The following TMED1 variants were observed in gnomAD, a reference collection of about 807,000 sequenced individuals.
TMED1 encodes the protein transmembrane emp24 domain-containing protein 1.
In TMED1, 20 loss-of-function variants were observed where a neutral mutation model predicts 21.2. That is an observed-to-expected ratio of 0.95 (90% confidence interval 0.67 to 1.37). The LOEUF is 1.37. Ranked by LOEUF, TMED1 falls within the 40% of genes most tolerant of loss-of-function variation. The pLI is 0.00. For synonymous variants in TMED1, 149 were observed against 134.7 expected, an observed-to-expected ratio of 1.11 and a Z score of -0.74; for missense variants, 316 against 309.8, an observed-to-expected ratio of 1.02 and a Z score of -0.15.
In TMED1 at chr19:10,835,356, G is replaced by C; in HGVS notation, c.184-3C>G. The C allele has an allele frequency of 6.2e-7, 1 of 1,613,336 alleles. No homozygotes were observed. The highest frequency in any genetic ancestry group is 8.5e-7 in the Non-Finnish European group (1 of 1,179,828). ...TCCAGTCCAGCACCTCCGATCACCT[G>C]GGGGGCAGGTAAGAGCGGGTGGAGG... On this transcript the variant is annotated splice_region_variant and splice_polypyrimidine_tract_variant and intron_variant, in intron 1 of 3. Transcript: ENST00000214869.
Position 10,832,449 on chromosome 19 carries a change from C to T in TMED1, c.*546G>A. ...TCAGCAGGCTCTTGTGATTTTCTGA[C>T]CATAATTTATTGACTCCAATGCCCA... On this transcript the variant is annotated 3_prime_UTR_variant, in exon 4 of 4. Coordinates refer to ENST00000214869, the MANE Select transcript of TMED1 (RefSeq NM_006858.4). 9.7e-7 allele frequency: 1 copy of T among 1,033,378 alleles called. No homozygotes were observed. The highest frequency in any genetic ancestry group is 1.3e-6 in the Non-Finnish European group (1 of 762,038). The allele number at this position is 1,033,378 out of a possible 1,614,324, so 64.0% of individuals were successfully genotyped here. A position where few individuals can be genotyped will look rare whatever the true frequency, so the allele number is the denominator to read the frequency against.
intron 1 of TMED1, 30 bp from the exon 2 acceptor site, chr19:10,835,383 C>T (rs1435780918): frequency 1.2e-6 from 2 of 1,612,506 alleles, no homozygotes; most frequent in Admixed American, 3.3e-5. Flanking sequence ...GGGTGGAGGG[C>T]TAGCGGTAGG....
intron 3 of TMED1, among the ~76,000 whole-genome samples, chr19:10,834,522 C>T (rs988997098): frequency 4.3e-5 from 6 of 139,044 alleles, no homozygotes; most frequent in Non-Finnish European, 6.0e-5. Context: ...TGCAATGGTG[C>T]GATCTCGGCT....
At chr19:10,834,402 G>T (rs2073398749) in intron 3 of TMED1, among the ~76,000 whole-genome samples, 1 of 150,548 alleles carries the variant, frequency 6.6e-6, no homozygotes, top group Non-Finnish European at 1.5e-5. Context: ...AGTTATTTAT[G>T]ATATGAGTTC....
chr19:10,832,597 G>A lies in TMED1; in HGVS notation c.*398C>T. 2 of 505,030 alleles carry A rather than the reference G, an allele frequency of 4.0e-6. No individual in the cohort carries two copies. The highest frequency in any genetic ancestry group is 7.1e-6 in the Non-Finnish European group (2 of 280,032). The allele number at this position is 505,030 out of a possible 1,614,324, so 31.3% of individuals were successfully genotyped here. ...AGGTGGTCTTCCAGGCCCCCTTCCT[G>A]GCATTCTGTTACCAGACCTCAACCT... is the stretch of plus-strand genomic sequence containing the variant. On this transcript the variant is annotated 3_prime_UTR_variant, in exon 4 of 4. Transcript: ENST00000214869.
rs767535879 is a variant in TMED1 at position 10,835,099 on chromosome 19, G to A, written c.300C>T (p.Ala100=). 4.3e-6 allele frequency: 7 copies of A among 1,613,908 alleles called. No individual in the cohort carries two copies. The highest frequency in any genetic ancestry group is 1.3e-5 in the African/African-American group (1 of 75,038). ...TGTCAAAGCACAGCTTGTAGTCCCC[G>A]GCCTCCGTTGGCTCCACCCTGGGCA... ...DGVHTVEPTE[A]GDYKLCFDNS... The change falls in exon 3 of 4, where the codon GCC becomes GCT. Residue 100 remains alanine (A), a synonymous_variant. Transcript: ENST00000214869.
In TMED1 at chr19:10,832,995, C is replaced by T. The variant is rs200105346; in HGVS notation, c.684G>A (p.Ter228=). ...CCCGTTCTTCCTTCCATGGCAGGGGCTACGTGGGCACCGGGCGCTTGTCCT... is the reference window on the plus strand; with the variant it reads ...CCCGTTCTTCCTTCCATGGCAGGGGTTACGTGGGCACCGGGCGCTTGTCCT... ...FFQDKRPVPT[*] is the part of the protein sequence containing the mutation. The change falls in exon 4 of 4, where the codon TAG becomes TAA. Residue 228 remains the stop codon, a stop_retained_variant. Coordinates refer to ENST00000214869, the MANE Select transcript of TMED1 (RefSeq NM_006858.4). 3.1e-6 allele frequency: 5 copies of T among 1,611,746 alleles called. No homozygotes were observed. The East Asian group carries it at 1.1e-4, about 36-fold the overall frequency.
chr19:10,835,652 C>T lies in TMED1; in HGVS notation c.184-299G>A, dbSNP rs905301466. On this transcript the variant is annotated intron_variant, in intron 1 of 3. Transcript: ENST00000214869. ...GCCTCCGAAAGAGGATAGGCCCAGCCTTTTTCCTTAGTCTAACCCCCGAGA... is the reference window on the plus strand; with the variant it reads ...GCCTCCGAAAGAGGATAGGCCCAGCTTTTTTCCTTAGTCTAACCCCCGAGA... 2.1e-6 allele frequency: 3 copies of T among 1,405,600 alleles called. No individual in the cohort carries two copies. In the Admixed American group the frequency reaches 8.8e-5, roughly 41 times the overall value. 87.1% of individuals were successfully genotyped at this position (1,405,600 alleles called of 1,614,324 possible).
Position 10,832,847 on chromosome 19 carries a change from C to G in TMED1, c.*148G>C. 1 of 853,358 alleles carries G rather than the reference C, an allele frequency of 1.2e-6. No individual in the cohort carries two copies. The highest frequency in any genetic ancestry group is 1.7e-5 in the South Asian group (1 of 60,434). 52.9% of individuals were successfully genotyped at this position (853,358 alleles called of 1,614,324 possible). ...AGAGGTGTTCCCTGCCCGCTGAGGACGGAAGGAGACTCATGGGGCCAGACC... is the reference window on the plus strand; with the variant it reads ...AGAGGTGTTCCCTGCCCGCTGAGGAGGGAAGGAGACTCATGGGGCCAGACC... On this transcript the variant is annotated 3_prime_UTR_variant, in exon 4 of 4. Coordinates refer to ENST00000214869, the MANE Select transcript of TMED1 (RefSeq NM_006858.4).
chr19:10,833,330 AAC>A (rs2073384810), intron 3 of TMED1, 117 bp from the exon 4 acceptor site: 4 of 814,380 alleles, frequency 4.9e-6, no homozygotes, highest in African/African-American at 3.4e-5. Flanking sequence ...TACAGCTGCA[AAC>A]ACAGACTTGT....
chr19:10,833,397 CTTAA>C (rs1489757772), intron 3 of TMED1, 184 bp from the exon 4 acceptor site: 1 of 602,354 alleles, frequency 1.7e-6, no homozygotes. Context: ...CCATGAGCAA[CTTAA>C]TTAACCTATC....
Position 10,833,100 on chromosome 19 carries a change from G to A in TMED1, c.579C>T (p.Val193=). 6.2e-7 allele frequency: 1 copy of A among 1,614,124 alleles called. No homozygotes were observed. The highest frequency in any genetic ancestry group is 1.1e-5 in the South Asian group (1 of 91,088). Residue 193 remains valine, a synonymous_variant, in exon 4 of 4, where the codon GTC becomes GTT. Coordinates refer to ENST00000214869, the MANE Select transcript of TMED1 (RefSeq NM_006858.4). ...CCACGTTGACAGCTGACCAGAAGTT[G>A]ACCCGCTCCAAGTTGCCCTCTTGCA... The part of the protein sequence containing the change: ...RNLQEGNLER[V]NFWSAVNVAV...
In TMED1 at chr19:10,836,027, G is replaced by A. The variant is rs1243659951; in HGVS notation, c.165C>T (p.Ser55=). 5.0e-6 allele frequency: 8 copies of A among 1,594,782 alleles called. No homozygotes were observed. In the Admixed American group the frequency reaches 5.2e-5, roughly 10 times the overall value. The change falls in exon 1 of 4, where the codon AGC becomes AGT. Residue 55 remains serine, a synonymous_variant. Transcript: ENST00000214869. ...CFYQSAPANA[S]LETEYQVIGG... ...CCTCTACCTGGTATTCGGTCTCGAG[G>A]CTTGCGTTGGCCGGCGCGGACTGGT...
rs372353387 is a variant in TMED1 at position 10,834,777 on chromosome 19, G to A, written c.465+157C>T. ...ATTACAGGCGTGAGCCACCGTGCCC[G>A]GCCTGAAATGAACTACTTATTTTAA... On this transcript the variant is annotated intron_variant, in intron 3 of 3. Coordinates refer to ENST00000214869, the MANE Select transcript of TMED1 (RefSeq NM_006858.4). The A allele has an allele frequency of 6.6e-6, 6 of 913,794 alleles. No homozygotes were observed. The South Asian group carries it at 8.2e-5, about 12-fold the overall frequency. 56.6% of individuals were successfully genotyped at this position (913,794 alleles called of 1,614,324 possible).
At chr19:10,835,702 G>A in intron 1 of TMED1, 1 of 1,391,898 alleles carries the variant, frequency 7.2e-7, no homozygotes, top group Non-Finnish European at 9.3e-7. Context: ...CAACGCCCCC[G>A]CAGTTGACCT....
Position 10,835,338 on chromosome 19 carries a change from C to T in TMED1, c.199G>A (p.Gly67Arg). The change falls in exon 2 of 4, where the codon GGA becomes AGA. Residue 67 changes from glycine to arginine, a missense_variant. Gly to Arg is a moderately radical substitution (Grantham distance 125). Coordinates refer to ENST00000214869, the MANE Select transcript of TMED1 (RefSeq NM_006858.4). ...ETEYQVIGGA[G>R]LDVDFTLESP... ...TCCAGCGTGAAGTCCACGTCCAGTC[C>T]AGCACCTCCGATCACCTGGGGGGCA... The T allele has an allele frequency of 1.2e-6, 2 of 1,613,642 alleles. No individual in the cohort carries two copies. The highest frequency in any genetic ancestry group is 1.7e-6 in the Non-Finnish European group (2 of 1,179,882).
intron 3 of TMED1, among the ~76,000 whole-genome samples, chr19:10,834,220 G>A (rs2073396797): frequency 6.6e-6 from 1 of 152,120 alleles, no homozygotes; most frequent in African/African-American, 2.4e-5. Context: ...ATTTGCTTGT[G>A]GTTAAGAGCA....
chr19:10,835,691 G>A, intron 1 of TMED1: 2 of 1,399,424 alleles, frequency 1.4e-6, no homozygotes, highest in Non-Finnish European at 1.9e-6. Context: ...GCCTGTGTGG[G>A]CAACGCCCCC....
chr19:10,832,196 C>A lies in TMED1; in HGVS notation c.*799G>T, dbSNP rs73007593. On this transcript the variant is annotated 3_prime_UTR_variant, in exon 4 of 4. Coordinates refer to ENST00000214869, the MANE Select transcript of TMED1 (RefSeq NM_006858.4). ...AAGCGGGGACCCCAGCGCTCCACCC[C>A]CTTCCTACCCTCAGGCCCTGCTTCT... 5.2e-4 allele frequency: 523 copies of A among 1,013,980 alleles called. 3 individuals carry two copies. Among genetic ancestry groups the A allele is most frequent in the South Asian group, 3.1e-3 (228 of 74,596 alleles). 62.8% of individuals were successfully genotyped at this position (1,013,980 alleles called of 1,614,324 possible). A position where few individuals can be genotyped will look rare whatever the true frequency, so the allele number is the denominator to read the frequency against.
Sources: allele counts gnomAD v4.1 joint callset (sites outside exome capture counted in the v4.1 genomes callset), GRCh38; gene constraint gnomAD v4.1.1; transcripts MANE v1.5; gene names NCBI Gene and HGNC (gene_info 2026-07-23, HGNC 2026-07-21).